Variants in RPH3AL observed in about 807,000 individuals in gnomAD.
RPH3AL encodes rabphilin 3A like (without C2 domains), also known as rab effector Noc2.
A neutral mutation model predicts 43.1 loss-of-function variants in RPH3AL; 38 were observed. The observed-to-expected ratio is 0.88, with a 90% confidence interval of 0.68 to 1.15. The LOEUF (loss-of-function observed/expected upper bound fraction) is 1.15. Among genes scored for constraint, RPH3AL ranks in the 50% most tolerant of loss-of-function variants. The probability of loss-of-function intolerance (pLI) is 0.00; values close to 1 mark genes in which losing one functional copy is unlikely to be tolerated. For synonymous variants in RPH3AL, 189 were observed against 176.3 expected (o/e 1.07, Z -0.57); for missense variants, 462 against 423.2 (o/e 1.09, Z -0.81).
chr17:329,024 G>A (rs777096846), intron 2 of RPH3AL, among the ~76,000 whole-genome samples: 2 of 152,150 alleles, frequency 1.3e-5, no homozygotes, highest in Non-Finnish European at 2.9e-5. Context: ...TCTTTTTGGG[G>A]TCGTAAAAAT....
intron 3 of RPH3AL, 128 bp from the exon 4 acceptor site, chr17:321,543 G>T: frequency 9.3e-7 from 1 of 1,080,472 alleles, no homozygotes; most frequent in South Asian, 2.1e-5. Flanking sequence ...CCGGGACGAC[G>T]AGCGCGGGCA....
chr17:321,571 G>T, intron 3 of RPH3AL, 156 bp from the exon 4 acceptor site: 1 of 657,772 alleles, frequency 1.5e-6, no homozygotes, highest in Non-Finnish European at 2.2e-6. Context: ...TGGCCCAGGT[G>T]GCAACAGAGA....
chr17:315,534 T>TCCATTGACCTGTAGTCCCTGTG (rs2043986212), intron 5 of RPH3AL, among the ~76,000 whole-genome samples: 1 of 23,368 alleles, frequency 4.3e-5, no homozygotes, highest in Non-Finnish European at 1.1e-4. Context: ...GTCCCTGTGC[T>TCCATTGACCTGTAGTCCCTGTG]CCCACCTCCA....
chr17:245,485 G>A lies in RPH3AL; in HGVS notation c.613+1626C>T, dbSNP rs1473927483. On this transcript the variant is annotated intron_variant, in intron 7 of 9. Coordinates refer to ENST00000331302, the MANE Select transcript of RPH3AL (RefSeq NM_006987.4). This position sits in a 1 kb window ranked among gnomAD's most constrained non-coding sequence, Gnocchi z 5.9. Reference sequence around the variant, plus strand: ...TTTGTGTGCGTGGATGTGAGTGTGTGTGTATGCCCTGACTTGGAGCAGACG... The same window carrying A: ...TTTGTGTGCGTGGATGTGAGTGTGTATGTATGCCCTGACTTGGAGCAGACG... Among the ~76,000 whole-genome samples the A allele has an allele frequency of 1.3e-5, 2 of 151,926 alleles. No homozygotes were observed. Among genetic ancestry groups the A allele is most frequent in the East Asian group, 1.9e-4 (1 of 5,184 alleles).
At chr17:230,207 T>A (rs2041200221) in intron 7 of RPH3AL, among the ~76,000 whole-genome samples, 1 of 152,026 alleles carries the variant, frequency 6.6e-6, no homozygotes, top group South Asian at 2.1e-4. Context: ...ACCATCGATT[T>A]TCATTTACTC....
intron 2 of RPH3AL, chr17:331,508 C>A (rs1285620901): frequency 3.6e-5 from 43 of 1,202,654 alleles, no homozygotes; most frequent in Non-Finnish European, 3.3e-5. Flanking sequence ...GTGGCTGGCA[C>A]CTCAGAAGGC....
intron 7 of RPH3AL, among the ~76,000 whole-genome samples, chr17:235,255 TC>T (rs1172962727): frequency 7.0e-6 from 1 of 141,940 alleles, no homozygotes; most frequent in Non-Finnish European, 1.5e-5. Flanking sequence ...GGGTCCAGGG[TC>T]CAAAGCTGGG....
intron 6 of RPH3AL, among the ~76,000 whole-genome samples, chr17:267,786 A>G (rs1178440313): frequency 6.6e-6 from 1 of 152,030 alleles, no homozygotes; most frequent in Non-Finnish European, 1.5e-5. Context: ...GCATTCTGGG[A>G]GATCCTACAG....
At chr17:226,623 C>A (rs1057424140) in intron 7 of RPH3AL, among the ~76,000 whole-genome samples, 2 of 152,222 alleles carry the variant, frequency 1.3e-5, no homozygotes, top group African/African-American at 4.8e-5. Context: ...CTGGGCCCAA[C>A]ACAAACACGG....
chr17:308,899 G>T (rs964589396), intron 5 of RPH3AL, among the ~76,000 whole-genome samples: 2 of 152,192 alleles, frequency 1.3e-5, no homozygotes, highest in Admixed American at 1.3e-4. Flanking sequence ...CAAGGCAGAA[G>T]GAGAATACTT....
At chr17:262,998 C>T (rs2042236677) in intron 6 of RPH3AL, among the ~76,000 whole-genome samples, 1 of 152,206 alleles carries the variant, frequency 6.6e-6, no homozygotes, top group African/African-American at 2.4e-5. Context: ...GAACTGTGAG[C>T]AAGAAATTCT....
intron 5 of RPH3AL, among the ~76,000 whole-genome samples, chr17:300,124 G>A (rs111507173): frequency 8.8e-4 from 42 of 47,560 alleles, no homozygotes; most frequent in African/African-American, 2.0e-3. Flanking sequence ...TCTCTCACCC[G>A]CTCTAGCAGG....
intron 5 of RPH3AL, among the ~76,000 whole-genome samples, chr17:317,991 T>G (rs969679756): frequency 2.0e-5 from 3 of 150,804 alleles, no homozygotes; most frequent in East Asian, 2.0e-4. Context: ...CATCATCTTG[T>G]TTATTTGATC....
In RPH3AL at chr17:321,367, C is replaced by G. The variant is rs1455057684; in HGVS notation, c.126G>C (p.Arg42Ser). ...SVHTYQTEKQ[R>S]RKQHLSPAEV... ...CCGCCGGGCTGAGGTGCTGCTTCCT[C>G]CTCTGCTTCTCCGTCTGGTAGGTGT... Residue 42 changes from arginine to serine, a missense_variant, in exon 4 of 10, where the codon AGG becomes AGC. Arg to Ser is a moderately radical substitution (Grantham distance 110). Transcript: ENST00000331302. The G allele has an allele frequency of 6.2e-7, 1 of 1,611,484 alleles. No individual in the cohort carries two copies. Among genetic ancestry groups the G allele is most frequent in the East Asian group, 2.2e-5 (1 of 44,886 alleles).
intron 7 of RPH3AL, among the ~76,000 whole-genome samples, chr17:224,203 C>A (rs957714079): frequency 2.8e-4 from 43 of 152,242 alleles, no homozygotes; most frequent in African/African-American, 8.4e-4. Context: ...TCTGCACAGC[C>A]AGGGGATGCT....
At chr17:317,693 C>G (rs1221577348) in intron 5 of RPH3AL, among the ~76,000 whole-genome samples, 1 of 152,210 alleles carries the variant, frequency 6.6e-6, no homozygotes, top group African/African-American at 2.4e-5. Flanking sequence ...CCACATATGA[C>G]AAAAGCAGGA....
chr17:297,633 G>C (rs145350734), intron 5 of RPH3AL, among the ~76,000 whole-genome samples: 66 of 152,302 alleles, frequency 4.3e-4, no homozygotes, highest in Non-Finnish European at 8.5e-4. Flanking sequence ...TAAGAGAATA[G>C]GAAAAACCAC....
intron 1 of RPH3AL, among the ~76,000 whole-genome samples, chr17:334,290 C>T (rs1291105827): frequency 2.0e-5 from 3 of 152,222 alleles, no homozygotes; most frequent in East Asian, 1.9e-4. Context: ...AAACAACAGC[C>T]GCCCGCAGCT....
intron 6 of RPH3AL, among the ~76,000 whole-genome samples, chr17:269,962 G>T (rs991155196): frequency 2.6e-5 from 4 of 152,156 alleles, no homozygotes; most frequent in Non-Finnish European, 5.9e-5. Flanking sequence ...GACTGCCCTG[G>T]GGGCTGGTGA....
Sources: allele counts gnomAD v4.1 joint callset (sites outside exome capture counted in the v4.1 genomes callset), GRCh38; gene constraint gnomAD v4.1.1; non-coding constraint Gnocchi (gnomAD v3.1); transcripts MANE v1.5; gene names NCBI Gene and HGNC (gene_info 2026-07-23, HGNC 2026-07-21).